USH2A: variants seen among roughly 807,000 people sequenced by gnomAD.
USH2A encodes Usher syndrome 2A (autosomal recessive, mild).
USH2A carries 443 observed loss-of-function variants against 538.9 expected under a neutral mutation model. The observed-to-expected ratio is 0.82, with a 90% CI of 0.76 to 0.89. The LOEUF is 0.89. Among genes scored for constraint, USH2A ranks in the 40% least tolerant of loss-of-function variants. The pLI is 0.00. For missense variants in USH2A, 6,633 were observed against 6,324.8 expected (o/e 1.05, Z -1.65); for synonymous variants, 2,413 against 2,273.5 (o/e 1.06, Z -1.75).
intron 37 of USH2A, among the ~76,000 whole-genome samples, chr1:215,939,400 T>C (rs534529656): frequency 2.0e-5 from 3 of 152,154 alleles, no homozygotes; most frequent in Non-Finnish European, 2.9e-5. Flanking sequence ...AAGTGTTACA[T>C]GAAAAAATAG....
intron 20 of USH2A, among the ~76,000 whole-genome samples, chr1:216,179,305 T>G (rs1386653274): frequency 6.6e-6 from 1 of 151,414 alleles, no homozygotes; most frequent in Non-Finnish European, 1.5e-5. Context: ...AGAGCACACT[T>G]TTTTTTTAAT....
chr1:215,760,595 A>G (rs948547880), intron 56 of USH2A, among the ~76,000 whole-genome samples: 2 of 152,254 alleles, frequency 1.3e-5, no homozygotes, highest in African/African-American at 4.8e-5. Flanking sequence ...TCAAAAACTA[A>G]AAACATGCAA....
At chr1:216,112,869 G>T (rs945895344) in intron 21 of USH2A, among the ~76,000 whole-genome samples, 9 of 151,784 alleles carry the variant, frequency 5.9e-5, no homozygotes, top group African/African-American at 2.2e-4. Context: ...TGGGCATTTA[G>T]GTTGATTCTA....
At chr1:215,755,403 A>G (rs1382848102) in intron 58 of USH2A, among the ~76,000 whole-genome samples, 1 of 152,188 alleles carries the variant, frequency 6.6e-6, no homozygotes, top group African/African-American at 2.4e-5. Flanking sequence ...CCACTTACAA[A>G]TTTATTTTCT....
intron 37 of USH2A, among the ~76,000 whole-genome samples, chr1:215,948,928 A>T (rs1255478739): frequency 6.6e-6 from 1 of 152,094 alleles, no homozygotes; most frequent in Non-Finnish European, 1.5e-5. Flanking sequence ...TGTGACACAG[A>T]ACTTGAATTA....
At chr1:215,683,847 AATG>A (rs1658326397) in intron 61 of USH2A, among the ~76,000 whole-genome samples, 1 of 151,590 alleles carries the variant, frequency 6.6e-6, no homozygotes, top group Admixed American at 6.6e-5. Flanking sequence ...CACTCTTCCT[AATG>A]ATTTTTTTGA....
chr1:216,341,912 A>G (rs1046369468), intron 4 of USH2A, among the ~76,000 whole-genome samples: 8 of 152,192 alleles, frequency 5.3e-5, no homozygotes, highest in African/African-American at 1.9e-4. Flanking sequence ...AACCTAGGCG[A>G]TACCATTCAG....
chr1:216,019,771 C>T (rs1436777), intron 32 of USH2A, among the ~76,000 whole-genome samples: 1 of 151,924 alleles, frequency 6.6e-6, no homozygotes, highest in Non-Finnish European at 1.5e-5. Context: ...TGAGCAAGTA[C>T]TCCTTAATAG....
At chr1:215,950,897 T>G (rs1023513897) in intron 37 of USH2A, among the ~76,000 whole-genome samples, 7 of 152,198 alleles carry the variant, frequency 4.6e-5, no homozygotes, top group Non-Finnish European at 8.8e-5. Flanking sequence ...AATATTCAAC[T>G]GTGTAACAAT....
intron 3 of USH2A, among the ~76,000 whole-genome samples, chr1:216,375,169 C>T (rs142535991): frequency 9.6e-4 from 146 of 152,248 alleles, no homozygotes; most frequent in African/African-American, 3.3e-3. Context: ...GCAGTAAAGT[C>T]CCCAACTGCA....
At chr1:216,233,628 C>T (rs1291515165) in intron 13 of USH2A, among the ~76,000 whole-genome samples, 1 of 151,950 alleles carries the variant, frequency 6.6e-6, no homozygotes, top group Non-Finnish European at 1.5e-5. Context: ...GTAGTACACA[C>T]ACAAAAAAAG....
At chr1:215,972,831 T>C (rs916724769) in intron 35 of USH2A, among the ~76,000 whole-genome samples, 6 of 152,184 alleles carry the variant, frequency 3.9e-5, no homozygotes, top group African/African-American at 1.4e-4. Context: ...TTTCTTTATT[T>C]CTGGTGTGAC....
chr1:215,901,599 C>T (rs535954250), intron 38 of USH2A: 2 of 154,714 alleles, frequency 1.3e-5, no homozygotes, highest in African/African-American at 4.8e-5. Flanking sequence ...TTTTTCTAGT[C>T]TAGTTGAGTC....
At position 215,889,155 on chromosome 1, in the gene USH2A, T is replaced by C. The variant is rs1571784415; in HGVS notation, c.7595-101A>G. The C allele has an allele frequency of 5.7e-6, 8 of 1,409,020 alleles. No homozygotes were observed. In the South Asian group the frequency reaches 8.4e-5, roughly 15 times the overall value. The allele number at this position is 1,409,020 out of a possible 1,614,324, so 87.3% of individuals were successfully genotyped here. A position where few individuals can be genotyped will look rare whatever the true frequency, so the allele number is the denominator to read the frequency against. On this transcript the variant is annotated intron_variant, in intron 40 of 71. Coordinates refer to ENST00000307340, the MANE Select transcript of USH2A (RefSeq NM_206933.4). ...TAGCTCTGCTACAAGGATATGAAAA[T>C]GAACACTTGGTAAAGGCCAATAAGT...
At chr1:216,054,733 T>C (rs1171433936) in intron 30 of USH2A, among the ~76,000 whole-genome samples, 1 of 151,188 alleles carries the variant, frequency 6.6e-6, no homozygotes, top group Non-Finnish European at 1.5e-5. Flanking sequence ...TCCTTCATTA[T>C]GTTAATCTGT....
chr1:216,037,149 C>T (rs900218558), intron 32 of USH2A, among the ~76,000 whole-genome samples: 2 of 151,602 alleles, frequency 1.3e-5, no homozygotes, highest in Admixed American at 6.6e-5. Context: ...GATTAGGAAA[C>T]GAAAAGAAGT....
intron 46 of USH2A, among the ~76,000 whole-genome samples, chr1:215,841,567 T>C (rs941489132): frequency 6.6e-6 from 1 of 152,170 alleles, no homozygotes; most frequent in Non-Finnish European, 1.5e-5. Context: ...AAGACTTAAA[T>C]GTAAAACCCA....
At chr1:215,643,794 C>T (rs902064504) in intron 67 of USH2A, among the ~76,000 whole-genome samples, 7 of 152,134 alleles carry the variant, frequency 4.6e-5, no homozygotes, top group African/African-American at 7.2e-5. Flanking sequence ...CTTCCCAAAG[C>T]GCTGGGATTA....
At chr1:216,186,331 A>G (rs1289276082) in intron 20 of USH2A, among the ~76,000 whole-genome samples, 1 of 151,734 alleles carries the variant, frequency 6.6e-6, no homozygotes, top group Non-Finnish European at 1.5e-5. Context: ...GGTAATCCCC[A>G]GAGAGTCACC....
Sources: allele counts gnomAD v4.1 joint callset (sites outside exome capture counted in the v4.1 genomes callset), GRCh38; gene constraint gnomAD v4.1.1; transcripts MANE v1.5; gene names NCBI Gene and HGNC (gene_info 2026-07-23, HGNC 2026-07-21).